The following ZNF565 variants were observed in gnomAD, a reference collection of about 807,000 sequenced individuals.
ZNF565 encodes zinc finger protein 565.
ZNF565 carries 27 observed loss-of-function variants against 39.4 expected under a neutral mutation model. The observed-to-expected ratio is 0.69, with a 90% CI of 0.51 to 0.95. The LOEUF (loss-of-function observed/expected upper bound fraction) is 0.95. ZNF565 is among the 40% of genes least tolerant of loss of function. The pLI is 0.00. For synonymous variants in ZNF565, 185 were observed against 216.6 expected (o/e 0.85, Z 1.28); for missense variants, 524 against 621.1 (o/e 0.84, Z 1.66).
chr19:36,206,210 T>C (rs1976146899), intron 1 of ZNF565, among the ~76,000 whole-genome samples: 1 of 151,958 alleles, frequency 6.6e-6, no homozygotes, highest in Non-Finnish European at 1.5e-5. Flanking sequence ...ATATCCCCAC[T>C]TCAGCCTCCC....
At chr19:36,237,002 G>C (rs759214480) in intron 1 of ZNF565, 2 of 1,614,070 alleles carry the variant, frequency 1.2e-6, no homozygotes, top group East Asian at 2.2e-5. Context: ...TGAATGTAAC[G>C]AATGTGGAAA....
chr19:36,190,180 C>T (rs900252182), intron 4 of ZNF565, among the ~76,000 whole-genome samples: 4 of 151,860 alleles, frequency 2.6e-5, no homozygotes, highest in African/African-American at 9.7e-5. Flanking sequence ...AAAAAAAATA[C>T]ATACAGAATG....
downstream of ZNF565, chr19:36,182,156 A>G (rs1177401186): frequency 4.1e-6 from 1 of 246,818 alleles, no homozygotes; most frequent in Non-Finnish European, 7.7e-6. Flanking sequence ...CTGGCCACAG[A>G]ATCTTTTAAT....
At chr19:36,219,107 C>T (rs1445400980), upstream of ZNF565, among the ~76,000 whole-genome samples, 1 of 152,190 alleles carries the variant, frequency 6.6e-6, no homozygotes, top group African/African-American at 2.4e-5. Context: ...TGCGCCTGGC[C>T]ACTTAAAATT....
chr19:36,212,210 G>A (rs1306638106), intron 1 of ZNF565, among the ~76,000 whole-genome samples: 1 of 152,120 alleles, frequency 6.6e-6, no homozygotes, highest in East Asian at 1.9e-4. Context: ...ATTCCAAAGA[G>A]AGGAACATTC....
chr19:36,211,405 T>C (rs1021575606), intron 1 of ZNF565, among the ~76,000 whole-genome samples: 73 of 150,556 alleles, frequency 4.8e-4, no homozygotes, highest in African/African-American at 1.7e-3. Flanking sequence ...ATCATGTCAC[T>C]GCATTCCCAG....
intron 1 of ZNF565, among the ~76,000 whole-genome samples, chr19:36,223,802 A>G (rs1405697351): frequency 6.6e-6 from 1 of 151,824 alleles, no homozygotes; most frequent in Admixed American, 6.6e-5. Context: ...GCTGGGGTGC[A>G]GTGGCGTGAT....
At chr19:36,204,766 G>A (rs1375190769) in intron 1 of ZNF565, among the ~76,000 whole-genome samples, 3 of 152,136 alleles carry the variant, frequency 2.0e-5, no homozygotes, top group African/African-American at 7.2e-5. Context: ...GAGGTGGGCT[G>A]ATCACCTGAG....
intron 1 of ZNF565, chr19:36,236,611 G>A (rs1356294292): frequency 1.2e-6 from 2 of 1,614,034 alleles, no homozygotes; most frequent in Admixed American, 3.3e-5. Flanking sequence ...GCCAAAAGCA[G>A]TATGTCATTA....
At position 36,183,504 on chromosome 19, in the gene ZNF565, G is replaced by A; in HGVS notation, c.462C>T (p.His154=). The A allele has an allele frequency of 1.2e-6, 2 of 1,614,226 alleles. No individual in the cohort carries two copies. Among genetic ancestry groups the A allele is most frequent in the Non-Finnish European group, 1.7e-6 (2 of 1,180,050 alleles). Residue 154 remains histidine (H), a synonymous_variant, in exon 5 of 5, where the codon CAC becomes CAT. Transcript: ENST00000304116. The part of the protein sequence containing the change: ...HMPVFQHHTS[H]TVRQSRETGE... ...CAGTCTCCCTGCTCTGACGTACAGT[G>A]TGAGACGTGTGATGCTGGAACACGG...
At chr19:36,220,352 CT>C (rs1349453534) in intron 1 of ZNF565, among the ~76,000 whole-genome samples, 3 of 114,576 alleles carry the variant, frequency 2.6e-5, no homozygotes, top group Non-Finnish European at 6.4e-5. Context: ...GCTCCTAGTT[CT>C]TTTTTTTAAT....
chr19:36,202,076 G>T, intron 1 of ZNF565, 26 bp from the exon 2 acceptor site: 1 of 1,354,836 alleles, frequency 7.4e-7, no homozygotes, highest in Non-Finnish European at 1.1e-6. Flanking sequence ...GGGGGGAGAT[G>T]GGGTAACCTC....
At chr19:36,212,360 C>T (rs1976391447) in intron 1 of ZNF565, among the ~76,000 whole-genome samples, 1 of 152,114 alleles carries the variant, frequency 6.6e-6, no homozygotes, top group Non-Finnish European at 1.5e-5. Context: ...CATCTCTAAC[C>T]CAGCACTTTG....
At chr19:36,186,683 G>A (rs1975312507) in intron 4 of ZNF565, among the ~76,000 whole-genome samples, 1 of 152,086 alleles carries the variant, frequency 6.6e-6, no homozygotes, top group South Asian at 2.1e-4. Context: ...CAGGTATTCA[G>A]AAGGCTGAGG....
intron 1 of ZNF565, chr19:36,237,579 A>T: frequency 3.2e-6 from 1 of 309,310 alleles, no homozygotes; most frequent in South Asian, 8.7e-5. Flanking sequence ...GGGAACAGAA[A>T]ATGGAGGCCT....
At chr19:36,239,828 ATTT>A (rs1315500919) in intron 1 of ZNF565, among the ~76,000 whole-genome samples, 1 of 152,080 alleles carries the variant, frequency 6.6e-6, no homozygotes, top group Non-Finnish European at 1.5e-5. Flanking sequence ...CTTCATGAAA[ATTT>A]TTTTATTCTT....
intron 1 of ZNF565, among the ~76,000 whole-genome samples, chr19:36,209,059 T>G (rs894520360): frequency 6.6e-6 from 1 of 152,136 alleles, no homozygotes; most frequent in Non-Finnish European, 1.5e-5. Context: ...CTCAAACTCC[T>G]GGGCTCAAAC....
intron 1 of ZNF565, among the ~76,000 whole-genome samples, chr19:36,230,812 C>CT (rs1346928704): frequency 2.0e-5 from 3 of 151,944 alleles, no homozygotes; most frequent in Non-Finnish European, 4.4e-5. Flanking sequence ...TTTCCTTTTC[C>CT]TTTTTTTGAG....
At chr19:36,198,502 G>A (rs559390709) in intron 2 of ZNF565, among the ~76,000 whole-genome samples, 1 of 152,300 alleles carries the variant, frequency 6.6e-6, no homozygotes, top group African/African-American at 2.4e-5. Flanking sequence ...GGGAGGCTGA[G>A]TGGGAGGTGG....
Sources: allele counts gnomAD v4.1 joint callset (sites outside exome capture counted in the v4.1 genomes callset), GRCh38; gene constraint gnomAD v4.1.1; transcripts MANE v1.5; gene names NCBI Gene and HGNC (gene_info 2026-07-23, HGNC 2026-07-21).